The following RPTOR variants were observed in gnomAD, a reference collection of about 807,000 sequenced individuals.
RPTOR encodes regulatory associated protein of MTOR complex 1.
RPTOR carries 21 observed loss-of-function variants against 169.9 expected under a neutral mutation model. That is an observed-to-expected ratio of 0.12 (90% CI 0.09 to 0.18). RPTOR has a LOEUF of 0.18. Among genes scored for constraint, RPTOR ranks in the 10% least tolerant of loss-of-function variants. RPTOR has a pLI of 1.00. For missense variants in RPTOR, 1,133 were observed against 1,855.9 expected (o/e 0.61, Z 7.16); for synonymous variants, 732 against 753.2 (o/e 0.97, Z 0.46).
At chr17:80,635,701 A>G (rs1438509848) in intron 2 of RPTOR, among the ~76,000 whole-genome samples, 1 of 152,112 alleles carries the variant, frequency 6.6e-6, no homozygotes, top group Non-Finnish European at 1.5e-5. Context: ...GAGGGGTGCC[A>G]AAGAGGAGGA....
chr17:80,769,673 G>A (rs781057455), intron 6 of RPTOR, among the ~76,000 whole-genome samples: 19 of 152,090 alleles, frequency 1.2e-4, no homozygotes, highest in Non-Finnish European at 2.5e-4. Context: ...CTGCTGTTGG[G>A]GTGTCCTCGT....
chr17:80,828,076 C>T (rs2067464122), intron 9 of RPTOR, among the ~76,000 whole-genome samples: 1 of 152,172 alleles, frequency 6.6e-6, no homozygotes, highest in South Asian at 2.1e-4. Context: ...GGAGTGCACC[C>T]AGGCAGAAGT....
chr17:80,700,935 T>C (rs981298399), intron 3 of RPTOR, among the ~76,000 whole-genome samples: 1 of 151,958 alleles, frequency 6.6e-6, no homozygotes, highest in Non-Finnish European at 1.5e-5. Flanking sequence ...TCAGTCAGGA[T>C]TGAAGAGGTA....
intron 14 of RPTOR, among the ~76,000 whole-genome samples, chr17:80,882,898 G>A (rs546303604): frequency 1.2e-4 from 18 of 152,332 alleles, no homozygotes; most frequent in African/African-American, 3.8e-4. Flanking sequence ...AAAAACTAAG[G>A]CACCGCTAAA....
intron 1 of RPTOR, among the ~76,000 whole-genome samples, chr17:80,582,482 CA>C (rs2065022580): frequency 6.6e-6 from 1 of 150,792 alleles, no homozygotes; most frequent in Admixed American, 6.6e-5. Flanking sequence ...ATCGCACATA[CA>C]TGTGTGCATC....
At position 80,878,932 on chromosome 17, in the gene RPTOR, G is replaced by A. The variant is rs909741652; in HGVS notation, c.1510-1483G>A. Among the ~76,000 whole-genome samples the A allele has an allele frequency of 2.0e-5, 3 of 152,068 alleles. No individual in the cohort carries two copies. Among genetic ancestry groups the A allele is most frequent in the Admixed American group, 2.0e-4 (3 of 15,270 alleles). On this transcript the variant is annotated intron_variant, in intron 13 of 33. Coordinates refer to ENST00000306801, the MANE Select transcript of RPTOR (RefSeq NM_020761.3). This position sits in a 1 kb window ranked among gnomAD's most constrained non-coding sequence, Gnocchi z 4.1. ...CCTCCAGGACGCCCACAGGACCCTC[G>A]GAAGCCCCTTCCTCTAGGGGCCCGT...
At position 80,966,117 on chromosome 17, in the gene RPTOR, A is replaced by ACCCCCCCCCCCCCCCCCCCCCCCCC. The variant is rs55752459; in HGVS notation, c.*1796_*1797insCCCCCCCCCCCCCCCCCCCCCCCCC. On this transcript the variant is annotated 3_prime_UTR_variant, in exon 34 of 34. Coordinates refer to ENST00000306801, the MANE Select transcript of RPTOR (RefSeq NM_020761.3). ...GGCAGGTGGCTCCAGAGGGGTCAAG[A>ACCCCCCCCCCCCCCCCCCCCCCCCC]CCCCCCCCCGCCCCCGCTCCACCCT... The ACCCCCCCCCCCCCCCCCCCCCCCCC allele has an allele frequency of 1.1e-5, 2 of 175,608 alleles. No individual in the cohort carries two copies. Among genetic ancestry groups the ACCCCCCCCCCCCCCCCCCCCCCCCC allele is most frequent in the Non-Finnish European group, 2.2e-5 (2 of 93,008 alleles). 10.9% of individuals were successfully genotyped at this position (175,608 alleles called of 1,614,324 possible).
Position 80,852,156 on chromosome 17 carries a change from T to G in RPTOR, c.1315-3308T>G, listed in dbSNP as rs147845693. 3.7e-3 allele frequency among the ~76,000 whole-genome samples: 571 copies of G among 152,326 alleles called. 4 individuals are homozygous for G. The highest frequency in any genetic ancestry group is 0.013 in the African/African-American group (544 of 41,572). ...ACTTTACATCCGCTGGACACCTTGGTGCACACAGCTTTGTGCTAGACGCTT... is the reference window on the plus strand; with the variant it reads ...ACTTTACATCCGCTGGACACCTTGGGGCACACAGCTTTGTGCTAGACGCTT... On this transcript the variant is annotated intron_variant, in intron 11 of 33. Coordinates refer to ENST00000306801, the MANE Select transcript of RPTOR (RefSeq NM_020761.3).
At chr17:80,799,577 G>A (rs1311282732) in intron 7 of RPTOR, among the ~76,000 whole-genome samples, 2 of 152,124 alleles carry the variant, frequency 1.3e-5, no homozygotes, top group Non-Finnish European at 2.9e-5. Context: ...TTGGTTCCTG[G>A]GTCCCACCTG....
intron 13 of RPTOR, among the ~76,000 whole-genome samples, chr17:80,874,010 G>A (rs898641373): frequency 8.5e-5 from 13 of 152,198 alleles, no homozygotes; most frequent in African/African-American, 2.9e-4. Context: ...TTACATGTAG[G>A]GGCAGAGGAC....
At chr17:80,924,319 C>T (rs2068785490) in intron 23 of RPTOR, 2 of 152,226 alleles carry the variant, frequency 1.3e-5, no homozygotes, top group Non-Finnish European at 2.9e-5. Context: ...GAAGGTGGTT[C>T]AGGGCGCACC....
At chr17:80,603,489 GATT>G (rs1214961595) in intron 1 of RPTOR, among the ~76,000 whole-genome samples, 4 of 152,212 alleles carry the variant, frequency 2.6e-5, no homozygotes, top group Non-Finnish European at 5.9e-5. Context: ...GTGAAAAGTT[GATT>G]ATTGTTTGGT....
chr17:80,727,575 G>A (rs1457586700), intron 4 of RPTOR, among the ~76,000 whole-genome samples: 4 of 148,802 alleles, frequency 2.7e-5, no homozygotes, highest in Non-Finnish European at 4.5e-5. Flanking sequence ...TTCTGATCAT[G>A]TCATGCTCCA....
At chr17:80,642,316 A>C (rs1367558411) in intron 2 of RPTOR, among the ~76,000 whole-genome samples, 3 of 151,908 alleles carry the variant, frequency 2.0e-5, no homozygotes, top group Admixed American at 6.6e-5. Context: ...GAAGAGACGG[A>C]GTTTCATGTT....
intron 3 of RPTOR, among the ~76,000 whole-genome samples, chr17:80,690,550 C>T (rs767430321): frequency 3.3e-5 from 5 of 151,710 alleles, no homozygotes; most frequent in African/African-American, 7.3e-5. Context: ...ATCGTGGTCT[C>T]GATCTCGTCA....
At position 80,562,748 on chromosome 17, in the gene RPTOR, C is replaced by T. The variant is rs946901981; in HGVS notation, c.162+16957C>T. Among the ~76,000 whole-genome samples the T allele has an allele frequency of 5.8e-4, 2 of 3,470 alleles. No individual in the cohort carries two copies. Among genetic ancestry groups the T allele is most frequent in the African/African-American group, 2.8e-3 (2 of 704 alleles). The allele number at this position is 3,470 out of a possible 152,430, so 2.3% of individuals were successfully genotyped here. The stretch of plus-strand genomic sequence containing the variant: ...GCAGTGAGCTGAGACTGCGCCACTG[C>T]ACCCCATCCTGGCAACAGAGCAAGA... On this transcript the variant is annotated intron_variant, in intron 1 of 33. Transcript: ENST00000306801. This position sits in a 1 kb window ranked among gnomAD's most constrained non-coding sequence, Gnocchi z 4.4.
At chr17:80,764,365 T>A (rs1415984564) in intron 6 of RPTOR, among the ~76,000 whole-genome samples, 1 of 139,106 alleles carries the variant, frequency 7.2e-6, no homozygotes, top group African/African-American at 2.7e-5. Context: ...CCTGTGTCCA[T>A]GTGTTCTCAT....
chr17:80,546,823 G>GAGTTTGAGAC (rs1224731208), intron 1 of RPTOR, among the ~76,000 whole-genome samples: 3 of 152,126 alleles, frequency 2.0e-5, no homozygotes, highest in African/African-American at 7.2e-5. Context: ...GGAGGCCAAG[G>GAGTTTGAGAC]CAGGCCTCCC....
In RPTOR at chr17:80,730,765, G is replaced by A; in HGVS notation, c.654+59G>A. On this transcript the variant is annotated intron_variant, in intron 5 of 33. Coordinates refer to ENST00000306801, the MANE Select transcript of RPTOR (RefSeq NM_020761.3). The surrounding 1 kb of genome is among the most constrained non-coding windows in gnomAD (Gnocchi z 4.2). ...GTTTGGTTTTGTTTTCCCTGGGGGTGGGGTTTGGGTGGGGAGGTTGGGAGG... is the reference window on the plus strand; with the variant it reads ...GTTTGGTTTTGTTTTCCCTGGGGGTAGGGTTTGGGTGGGGAGGTTGGGAGG... The A allele has an allele frequency of 1.4e-6, 2 of 1,416,080 alleles. No individual in the cohort carries two copies. The highest frequency in any genetic ancestry group is 2.5e-5 in the East Asian group (1 of 40,730). 87.7% of individuals were successfully genotyped at this position (1,416,080 alleles called of 1,614,324 possible). A position where few individuals can be genotyped will look rare whatever the true frequency, so the allele number is the denominator to read the frequency against.
Sources: gnomAD v4.1 joint callset for allele counts (sites outside exome capture counted in the v4.1 genomes callset) on GRCh38, gnomAD v4.1.1 for gene constraint, Gnocchi (gnomAD v3.1) non-coding constraint, MANE v1.5 for transcripts, NCBI Gene and HGNC (gene_info 2026-07-23, HGNC 2026-07-21) for gene names.